Variants in ARHGAP18 observed in about 807,000 individuals in gnomAD.
The protein encoded by ARHGAP18 is rho GTPase-activating protein 18.
Under a neutral mutation model 86.2 loss-of-function variants are expected in ARHGAP18, and 67 were observed. The observed-to-expected ratio is 0.78, with a 90% CI of 0.64 to 0.95. The LOEUF (loss-of-function observed/expected upper bound fraction) is 0.95. Ranked by LOEUF, ARHGAP18 falls within the 40% of genes least tolerant of loss-of-function variation. ARHGAP18 has a pLI of 0.00. For missense variants in ARHGAP18, 691 were observed against 780.4 expected, an observed-to-expected ratio of 0.89 and a Z score of 1.37; for synonymous variants, 283 against 280.4, an observed-to-expected ratio of 1.01 and a Z score of -0.09.
chr6:129,641,316 T>G, intron 2 of ARHGAP18, among the ~76,000 whole-genome samples: 1 of 152,198 alleles, frequency 6.6e-6, no homozygotes, highest in Middle Eastern at 3.2e-3. Context: ...TAGAAGAGCC[T>G]TCTTCTGTTC....
rs1291314665 is a variant in ARHGAP18 at position 129,710,093 on chromosome 6, T to G, written c.44A>C (p.Tyr15Ser). Residue 15 changes from tyrosine to serine, a missense_variant, in exon 1 of 15, where the codon TAC (tyrosine) becomes TCC (serine). Coordinates refer to ENST00000368149, the MANE Select transcript of ARHGAP18 (RefSeq NM_033515.3). ...SSSQGVVLTA[Y>S]HPSGKDQTVG... Reference sequence around the variant, plus strand: ...GGTCTGGTCCTTGCCGCTGGGGTGGTAGGCTGTTAGTACCACTCCCTGGGA... The same window carrying G: ...GGTCTGGTCCTTGCCGCTGGGGTGGGAGGCTGTTAGTACCACTCCCTGGGA... 2 of 1,613,992 alleles carry G rather than the reference T, an allele frequency of 1.2e-6. No individual in the cohort carries two copies. The highest frequency in any genetic ancestry group is 1.7e-6 in the Non-Finnish European group (2 of 1,179,940).
chr6:129,704,318 A>G (rs954987313), intron 1 of ARHGAP18, among the ~76,000 whole-genome samples: 2 of 151,962 alleles, frequency 1.3e-5, no homozygotes, highest in Non-Finnish European at 2.9e-5. Flanking sequence ...GGTAGCAGGC[A>G]CCTGTAATCC....
intron 12 of ARHGAP18, among the ~76,000 whole-genome samples, chr6:129,593,422 T>C (rs1006158377): frequency 1.3e-5 from 2 of 152,112 alleles, no homozygotes; most frequent in Non-Finnish European, 2.9e-5. Flanking sequence ...GATTGCACCA[T>C]TGCACTTCAG....
chr6:129,668,115 T>A lies in ARHGAP18; in HGVS notation c.114-26097A>T, dbSNP rs954944292. Among the ~76,000 whole-genome samples, 8 of 152,296 alleles carry A rather than the reference T, an allele frequency of 5.3e-5. No individual in the cohort carries two copies. In the East Asian group the frequency reaches 1.4e-3, roughly 26 times the overall value. On this transcript the variant is annotated intron_variant, in intron 1 of 14. Transcript: ENST00000368149. ...AAGTTCCCTAGTCAGCTACCTGCCA[T>A]CCATTTGGAATTATCGTGTAACAAG...
intron 5 of ARHGAP18, among the ~76,000 whole-genome samples, chr6:129,625,940 TTATATATTTATATATTA>T (rs1789450484): frequency 1.2e-5 from 1 of 81,332 alleles, no homozygotes; most frequent in South Asian, 3.1e-4. Context: ...ATATTATATA[TTATATATTTATATATTA>T]TATATTTATA....
At chr6:129,603,487 T>G (rs181212430) in intron 10 of ARHGAP18, among the ~76,000 whole-genome samples, 15 of 152,288 alleles carry the variant, frequency 9.8e-5, no homozygotes, top group South Asian at 2.1e-4. Flanking sequence ...GGGTTCACTC[T>G]CTGAAAAGCC....
chr6:129,667,503 G>GTGTGTGTATGTA (rs548429421), intron 1 of ARHGAP18, among the ~76,000 whole-genome samples: 1 of 145,288 alleles, frequency 6.9e-6, no homozygotes, highest in East Asian at 2.0e-4. Context: ...GTGTGTGTGT[G>GTGTGTGTATGTA]TGTTGTGTAT....
At chr6:129,671,607 TG>T (rs1171747800) in intron 1 of ARHGAP18, among the ~76,000 whole-genome samples, 4 of 152,194 alleles carry the variant, frequency 2.6e-5, no homozygotes, top group Admixed American at 2.0e-4. Context: ...CTCGGGAGGC[TG>T]AGGTGGGAGG....
chr6:129,696,613 A>G (rs1774621587), intron 1 of ARHGAP18, among the ~76,000 whole-genome samples: 1 of 152,220 alleles, frequency 6.6e-6, no homozygotes, highest in Non-Finnish European at 1.5e-5. Context: ...TTGAATCTAT[A>G]TAGTGCTTAG....
At chr6:129,704,968 CTCTA>C (rs1233537617) in intron 1 of ARHGAP18, among the ~76,000 whole-genome samples, 1 of 152,198 alleles carries the variant, frequency 6.6e-6, no homozygotes, top group Non-Finnish European at 1.5e-5. Flanking sequence ...TTCAGACTTA[CTCTA>C]TCTAGGCTTA....
At chr6:129,623,006 C>CAAAAAAAAAAAA (rs57274879) in intron 5 of ARHGAP18, among the ~76,000 whole-genome samples, 12 of 39,672 alleles carry the variant, frequency 3.0e-4, no homozygotes, top group East Asian at 7.1e-4. Context: ...CATCTCAAAA[C>CAAAAAAAAAAAA]AAAAAAAAAA....
rs373154529 is a variant in ARHGAP18 at position 129,611,556 on chromosome 6, G to A, written c.1099C>T (p.Pro367Ser). The A allele has an allele frequency of 4.0e-5, 65 of 1,613,602 alleles. No homozygotes were observed. The highest frequency in any genetic ancestry group is 5.5e-5 in the Non-Finnish European group (65 of 1,179,808). The part of the protein sequence containing the change: ...GLETEGLLRI[P>S]GAAIRIKNLC... ...ACCTTGATTCTAATGGCAGCTCCAG[G>A]GATCCGTAAGAGGCCTTCTGTTTCC... The change falls in exon 8 of 15, where the codon CCT (proline) becomes TCT (serine). Residue 367 changes from proline to serine, a missense_variant. Physicochemically the swap from Pro to Ser is moderately conservative, Grantham distance 74. Transcript: ENST00000368149.
intron 7 of ARHGAP18, among the ~76,000 whole-genome samples, chr6:129,612,321 G>A (rs946588437): frequency 7.9e-5 from 12 of 152,184 alleles, no homozygotes; most frequent in African/African-American, 2.2e-4. Flanking sequence ...GGCATTCCCT[G>A]AGCAGTACAC....
In ARHGAP18 at chr6:129,611,678, T is replaced by A; in HGVS notation, c.1045-68A>T. 4 of 1,323,460 alleles carry A rather than the reference T, an allele frequency of 3.0e-6. No individual in the cohort carries two copies. In the Middle Eastern group the frequency reaches 5.5e-4, roughly 181 times the overall value. 82.0% of individuals were successfully genotyped at this position (1,323,460 alleles called of 1,614,324 possible). A position where few individuals can be genotyped will look rare whatever the true frequency, so the allele number is the denominator to read the frequency against. Reference sequence around the variant, plus strand: ...CAGGTACAATTCCGAATTTAACATCTGTTTCACATATAAATAAAACTGATT... The same window carrying A: ...CAGGTACAATTCCGAATTTAACATCAGTTTCACATATAAATAAAACTGATT... On this transcript the variant is annotated intron_variant, in intron 7 of 14. Transcript: ENST00000368149.
intron 9 of ARHGAP18, among the ~76,000 whole-genome samples, chr6:129,607,008 C>A (rs1442636662): frequency 5.9e-5 from 9 of 151,848 alleles, no homozygotes. Flanking sequence ...CACAGGTGCG[C>A]ACCACTATGC....
intron 1 of ARHGAP18, among the ~76,000 whole-genome samples, chr6:129,686,949 C>T (rs532118216): frequency 1.3e-5 from 2 of 150,002 alleles, no homozygotes; most frequent in Non-Finnish European, 3.0e-5. Context: ...GGCCACCACA[C>T]CTGGCTAATT....
At chr6:129,664,254 A>G (rs1483444323) in intron 1 of ARHGAP18, among the ~76,000 whole-genome samples, 2 of 152,226 alleles carry the variant, frequency 1.3e-5, no homozygotes, top group African/African-American at 4.8e-5. Context: ...ATAGCAGGGG[A>G]TGGGGAGATA....
At chr6:129,614,149 T>C (rs1789042506) in intron 7 of ARHGAP18, among the ~76,000 whole-genome samples, 1 of 152,210 alleles carries the variant, frequency 6.6e-6, no homozygotes, top group African/African-American at 2.4e-5. Flanking sequence ...TTCATAGATA[T>C]TAGATAAGCT....
At chr6:129,705,373 CA>C (rs1368195074) in intron 1 of ARHGAP18, among the ~76,000 whole-genome samples, 1 of 152,068 alleles carries the variant, frequency 6.6e-6, no homozygotes, top group Non-Finnish European at 1.5e-5. Context: ...GTCCAGCTGC[CA>C]AAAGAGGATC....
Sources: gnomAD v4.1 joint callset for allele counts (sites outside exome capture counted in the v4.1 genomes callset) on GRCh38, gnomAD v4.1.1 for gene constraint, MANE v1.5 for transcripts, NCBI Gene and HGNC (gene_info 2026-07-23, HGNC 2026-07-21) for gene names.